Variants in ZNF385D observed in about 807,000 individuals in gnomAD.
ZNF385D encodes the protein zinc finger protein 659.
ZNF385D carries 15 observed loss-of-function variants against 35.8 expected under a neutral mutation model. The ratio of observed to expected loss-of-function variants is 0.42; its 90% CI spans 0.28 to 0.64. ZNF385D has a LOEUF of 0.64. Among genes scored for constraint, ZNF385D ranks in the 30% least tolerant of loss-of-function variants. The probability of loss-of-function intolerance (pLI) is 0.23; values close to 1 mark genes in which losing one functional copy is unlikely to be tolerated. For missense variants in ZNF385D, 474 were observed against 494.6 expected (o/e 0.96, Z 0.39); for synonymous variants, 212 against 186.8 (o/e 1.13, Z -1.10).
intron 3 of ZNF385D, among the ~76,000 whole-genome samples, chr3:21,904,413 G>C (rs1327491796): frequency 6.6e-6 from 1 of 151,584 alleles, no homozygotes; most frequent in Non-Finnish European, 1.5e-5. Flanking sequence ...GTGTGGCATA[G>C]TTCTTTTGGG....
chr3:22,103,738 T>C lies in ZNF385D; in HGVS notation c.325+65079A>G, dbSNP rs1392407415. ...CAATGGTGAAATAAAAATCTTATGG[T>C]AGCACAACCTCCTGGTTGTGGCAGG... On this transcript the variant is annotated intron_variant, in intron 3 of 5. Coordinates refer to the ZNF385D transcript ENST00000494108. 5.2e-5 allele frequency among the ~76,000 whole-genome samples: 7 copies of C among 135,668 alleles called. No individual in the cohort carries two copies. The East Asian group carries it at 7.8e-4, about 15-fold the overall frequency. The allele number at this position is 135,668 out of a possible 152,430, so 89.0% of individuals were successfully genotyped here. A position where few individuals can be genotyped will look rare whatever the true frequency, so the allele number is the denominator to read the frequency against.
chr3:22,359,075 A>C (rs915706324), intron 2 of ZNF385D, among the ~76,000 whole-genome samples: 2 of 126,494 alleles, frequency 1.6e-5, no homozygotes, highest in African/African-American at 6.4e-5. Flanking sequence ...CAAAAAAACC[A>C]AAAAAAAAAA....
chr3:21,799,025 T>C (rs1405120942), intron 3 of ZNF385D, among the ~76,000 whole-genome samples: 1 of 152,208 alleles, frequency 6.6e-6, no homozygotes, highest in African/African-American at 2.4e-5. Flanking sequence ...TCACCTATCC[T>C]GAATATTCCA....
chr3:21,570,129 C>CA (rs2063291733), intron 2 of ZNF385D, among the ~76,000 whole-genome samples: 2 of 151,396 alleles, frequency 1.3e-5, no homozygotes, highest in Non-Finnish European at 2.9e-5. Context: ...ACTACCCAAA[C>CA]AAAAATGAAG....
chr3:21,972,021 A>G (rs898065893), intron 3 of ZNF385D, among the ~76,000 whole-genome samples: 4 of 152,020 alleles, frequency 2.6e-5, no homozygotes, highest in African/African-American at 9.7e-5. Flanking sequence ...GGAGACTTCA[A>G]CATCCATTTT....
At chr3:22,117,854 G>A (rs563655384) in intron 3 of ZNF385D, among the ~76,000 whole-genome samples, 15 of 151,910 alleles carry the variant, frequency 9.9e-5, no homozygotes, top group South Asian at 2.1e-4. Context: ...TAATATAATC[G>A]TAACAATCAT....
At chr3:21,858,120 C>G (rs1465923262) in intron 3 of ZNF385D, among the ~76,000 whole-genome samples, 1 of 144,244 alleles carries the variant, frequency 6.9e-6, no homozygotes, top group Non-Finnish European at 1.5e-5. Context: ...CAAGATGGTG[C>G]TACTGCACTC....
intron 2 of ZNF385D, among the ~76,000 whole-genome samples, chr3:22,328,934 G>A (rs1456559612): frequency 1.3e-5 from 2 of 151,884 alleles, no homozygotes; most frequent in Non-Finnish European, 2.9e-5. Context: ...AAAATTAGCT[G>A]GGCGTGGTAG....
chr3:22,171,884 A>G (rs1382479601), intron 2 of ZNF385D, among the ~76,000 whole-genome samples: 1 of 46,174 alleles, frequency 2.2e-5, no homozygotes, highest in Non-Finnish European at 5.1e-5. Flanking sequence ...CTCAAAAAAA[A>G]AAAAAAAAAA....
At chr3:21,421,965 A>G (rs983817054) in intron 7 of ZNF385D, among the ~76,000 whole-genome samples, 4 of 152,236 alleles carry the variant, frequency 2.6e-5, no homozygotes, top group African/African-American at 9.6e-5. Flanking sequence ...TTTAAAAAAC[A>G]ACCAAAAATA....
chr3:21,547,621 T>G (rs1020680998), intron 3 of ZNF385D, among the ~76,000 whole-genome samples: 11 of 139,610 alleles, frequency 7.9e-5, no homozygotes, highest in Admixed American at 2.8e-4. Context: ...TTTTGTTTTG[T>G]TTTTTTTTTT....
chr3:22,366,895 A>G (rs1267381610), intron 2 of ZNF385D, among the ~76,000 whole-genome samples: 1 of 152,138 alleles, frequency 6.6e-6, no homozygotes, highest in African/African-American at 2.4e-5. Flanking sequence ...CCGAGATTGG[A>G]GTGATGTGGC....
chr3:21,975,702 AATATAT>A lies in ZNF385D; in HGVS notation c.325+193109_325+193114del, dbSNP rs56303677. Among the ~76,000 whole-genome samples the A allele has an allele frequency of 2.1e-3, 256 of 123,788 alleles. 2 individuals carry two copies. Among genetic ancestry groups the A allele is most frequent in the East Asian group, 0.02 (68 of 3,348 alleles). 81.2% of individuals were successfully genotyped at this position (123,788 alleles called of 152,430 possible). A position where few individuals can be genotyped will look rare whatever the true frequency, so the allele number is the denominator to read the frequency against. On this transcript the variant is annotated intron_variant, in intron 3 of 5. Coordinates refer to the ZNF385D transcript ENST00000494108. ...ATATATACCTATTATGTACCCACGA[AATATAT>A]ATATATATATATATATATATATATA...
chr3:21,756,204 G>A (rs1178526060), upstream of ZNF385D, among the ~76,000 whole-genome samples: 2 of 152,128 alleles, frequency 1.3e-5, no homozygotes, highest in Non-Finnish European at 2.9e-5. Flanking sequence ...TTGGACCAGG[G>A]AAGAAACAGT....
chr3:22,066,666 G>A (rs529559229), intron 3 of ZNF385D, among the ~76,000 whole-genome samples: 1 of 151,950 alleles, frequency 6.6e-6, no homozygotes, highest in African/African-American at 2.4e-5. Context: ...TGTTGTAGGA[G>A]GCAGTAACAA....
At chr3:22,166,124 C>A (rs540138336) in intron 3 of ZNF385D, among the ~76,000 whole-genome samples, 4 of 152,086 alleles carry the variant, frequency 2.6e-5, no homozygotes, top group African/African-American at 9.7e-5. Context: ...TCAGACCAAA[C>A]CAATATGACC....
intron 3 of ZNF385D, among the ~76,000 whole-genome samples, chr3:21,540,159 TAAA>T (rs900441503): frequency 5.3e-5 from 8 of 152,160 alleles, no homozygotes; most frequent in African/African-American, 1.7e-4. Context: ...ACTATGATAA[TAAA>T]AATACAATAG....
At chr3:22,015,544 G>C (rs1696831999) in intron 3 of ZNF385D, among the ~76,000 whole-genome samples, 2 of 151,968 alleles carry the variant, frequency 1.3e-5, no homozygotes, top group South Asian at 4.1e-4. Flanking sequence ...TCCCATTTCT[G>C]TCCATTCATC....
At chr3:22,085,043 A>G (rs1700952944) in intron 3 of ZNF385D, among the ~76,000 whole-genome samples, 1 of 152,234 alleles carries the variant, frequency 6.6e-6, no homozygotes, top group South Asian at 2.1e-4. Flanking sequence ...CAAAGACACA[A>G]CATATCAGAA....
Sources: allele counts gnomAD v4.1 joint callset (sites outside exome capture counted in the v4.1 genomes callset), GRCh38; gene constraint gnomAD v4.1.1; transcripts MANE v1.5; gene names NCBI Gene and HGNC (gene_info 2026-07-23, HGNC 2026-07-21).